Variants in TBCK observed in about 807,000 individuals in gnomAD.
TBCK encodes TBC1 domain containing kinase.
In TBCK, 99 loss-of-function variants were observed where a neutral mutation model predicts 113.4. The ratio of observed to expected loss-of-function variants is 0.87; its 90% CI spans 0.74 to 1.03. The LOEUF (loss-of-function observed/expected upper bound fraction) is 1.03. Among genes scored for constraint, TBCK ranks in the 50% least tolerant of loss-of-function variants. The pLI is 0.00. For synonymous variants in TBCK, 369 were observed against 370.8 expected, an observed-to-expected ratio of 1.00 and a Z score of 0.05; for missense variants, 1,045 against 1,061.3, an observed-to-expected ratio of 0.98 and a Z score of 0.21.
intron 11 of TBCK, among the ~76,000 whole-genome samples, chr4:106,242,899 T>TACCC (rs1486834721): frequency 7.6e-6 from 1 of 131,030 alleles, no homozygotes; most frequent in Admixed American, 9.2e-5. Flanking sequence ...AGTGTGATGT[T>TACCC]ACCCTTCCTG....
chr4:106,285,538 C>T (rs1299902043), intron 3 of TBCK, among the ~76,000 whole-genome samples: 1 of 151,966 alleles, frequency 6.6e-6, no homozygotes, highest in Non-Finnish European at 1.5e-5. Context: ...TCCCCTGATC[C>T]CTGTCCCACC....
chr4:106,272,577 C>T (rs1260713519), intron 3 of TBCK, among the ~76,000 whole-genome samples: 3 of 150,714 alleles, frequency 2.0e-5, no homozygotes, highest in South Asian at 2.1e-4. Context: ...CTGCAAGCTC[C>T]GTCTCCCAGG....
chr4:106,185,960 C>T (rs1752978121), intron 22 of TBCK, among the ~76,000 whole-genome samples: 1 of 152,034 alleles, frequency 6.6e-6, no homozygotes, highest in Non-Finnish European at 1.5e-5. Flanking sequence ...TTAGTTTCTA[C>T]TTATAAGTGA....
chr4:106,115,363 CACAA>C lies in TBCK; in HGVS notation c.2411+836_2411+839del, dbSNP rs1335086250. Among the ~76,000 whole-genome samples, 3 of 152,188 alleles carry C rather than the reference CACAA, an allele frequency of 2.0e-5. No individual in the cohort carries two copies. In the East Asian group the frequency reaches 5.8e-4, roughly 29 times the overall value. On this transcript the variant is annotated intron_variant, in intron 24 of 25. Transcript: ENST00000394708. Reference sequence around the variant, plus strand: ...CAAAATATGAAACCTGAAATACTGTCACAAACATTTTGGACACAGGATACTCAAC... The same window carrying C: ...CAAAATATGAAACCTGAAATACTGTCACATTTTGGACACAGGATACTCAAC...
intron 23 of TBCK, among the ~76,000 whole-genome samples, chr4:106,136,525 A>T (rs1462915122): frequency 7.1e-6 from 1 of 141,186 alleles, no homozygotes; most frequent in African/African-American, 2.5e-5. Flanking sequence ...TTCTGTGTGA[A>T]ATTGGGAAGG....
chr4:106,045,565 T>C lies in TBCK; in HGVS notation c.*1005A>G, dbSNP rs1262321943. On this transcript the variant is annotated 3_prime_UTR_variant, in exon 26 of 26. Coordinates refer to ENST00000394708, the MANE Select transcript of TBCK (RefSeq NM_001163435.3). ...TTTTCCTTAAAGCTAGGTGTGGCCA[T>C]GCACCCAAGTTCTGGCCAATGATAT... is the stretch of plus-strand genomic sequence containing the variant. 3 of 152,208 alleles carry C rather than the reference T, an allele frequency of 2.0e-5. No homozygotes were observed. Among genetic ancestry groups the C allele is most frequent in the Non-Finnish European group, 2.9e-5 (2 of 68,036 alleles). 9.4% of individuals were successfully genotyped at this position (152,208 alleles called of 1,614,324 possible). A position where few individuals can be genotyped will look rare whatever the true frequency, so the allele number is the denominator to read the frequency against.
intron 3 of TBCK, among the ~76,000 whole-genome samples, chr4:106,266,068 CA>C (rs748724637): frequency 4.6e-5 from 7 of 151,112 alleles, no homozygotes; most frequent in Non-Finnish European, 1.0e-4. Context: ...TAAACATCTT[CA>C]AAAAATAAAC....
At chr4:106,176,752 T>G (rs12499891) in intron 22 of TBCK, among the ~76,000 whole-genome samples, 28,228 of 151,798 alleles carry the variant, frequency 0.19, 2,640 homozygotes, top group South Asian at 0.25. Context: ...TTGAGGAACC[T>G]CCATACTGTT....
chr4:106,307,460 A>C (rs978726483), intron 2 of TBCK, among the ~76,000 whole-genome samples: 1 of 152,168 alleles, frequency 6.6e-6, no homozygotes, highest in African/African-American at 2.4e-5. Flanking sequence ...AGTCTATAAA[A>C]CACAAATATT....
At chr4:106,304,630 T>A (rs983247830) in intron 2 of TBCK, among the ~76,000 whole-genome samples, 8 of 152,164 alleles carry the variant, frequency 5.3e-5, no homozygotes, top group Non-Finnish European at 1.0e-4. Context: ...TAACCTCAAA[T>A]CTTATTCTGT....
At chr4:106,162,045 C>G (rs112051284) in intron 23 of TBCK, among the ~76,000 whole-genome samples, 1 of 152,002 alleles carries the variant, frequency 6.6e-6, no homozygotes, top group African/African-American at 2.4e-5. Flanking sequence ...CTTCTACCTA[C>G]GAGACTGTAA....
At chr4:106,174,810 CATT>C (rs1324130747) in intron 22 of TBCK, among the ~76,000 whole-genome samples, 1 of 152,038 alleles carries the variant, frequency 6.6e-6, no homozygotes, top group Non-Finnish European at 1.5e-5. Flanking sequence ...TCACAAACAT[CATT>C]GCATTTCTAT....
chr4:106,077,467 G>A (rs1273796542), intron 25 of TBCK, among the ~76,000 whole-genome samples: 2 of 152,306 alleles, frequency 1.3e-5, no homozygotes, highest in East Asian at 1.9e-4. Context: ...TAAAGGAATG[G>A]AGAAAGATTG....
At chr4:106,070,857 C>T (rs1455795856) in intron 25 of TBCK, among the ~76,000 whole-genome samples, 2 of 152,064 alleles carry the variant, frequency 1.3e-5, no homozygotes, top group East Asian at 3.8e-4. Flanking sequence ...CAAGTTCTTC[C>T]TGGTTTAGTC....
chr4:106,067,034 G>A (rs1450080858), intron 25 of TBCK, among the ~76,000 whole-genome samples: 1 of 152,048 alleles, frequency 6.6e-6, no homozygotes, highest in African/African-American at 2.4e-5. Context: ...GCATCTAGCA[G>A]TCAAATTACT....
chr4:106,210,530 G>A (rs1340984850), intron 20 of TBCK, among the ~76,000 whole-genome samples: 3 of 152,096 alleles, frequency 2.0e-5, no homozygotes, highest in Non-Finnish European at 1.5e-5. Flanking sequence ...CTGACTTAAT[G>A]TCTAAATAAA....
intron 1 of TBCK, among the ~76,000 whole-genome samples, chr4:106,313,349 G>A (rs1024487860): frequency 6.6e-6 from 1 of 150,920 alleles, no homozygotes; most frequent in African/African-American, 2.4e-5. Flanking sequence ...ACCAGACTGA[G>A]CAACACAGTG....
Position 106,178,684 on chromosome 4 carries a change from A to G in TBCK, c.2060-7414T>C, listed in dbSNP as rs573747519. Among the ~76,000 whole-genome samples, 9 of 152,010 alleles carry G rather than the reference A, an allele frequency of 5.9e-5. No homozygotes were observed. In the South Asian group the frequency reaches 1.7e-3, roughly 28 times the overall value. Reference sequence around the variant, plus strand: ...GAATCCCCCTTGACCATGGTGAATGATTTTTTTAACGTGTTGTTGAATTCA... The same window carrying G: ...GAATCCCCCTTGACCATGGTGAATGGTTTTTTTAACGTGTTGTTGAATTCA... On this transcript the variant is annotated intron_variant, in intron 22 of 25. Transcript: ENST00000394708.
At chr4:106,309,071 G>A (rs1767871765) in intron 1 of TBCK, 82 bp from the exon 2 acceptor site, 1 of 910,478 alleles carries the variant, frequency 1.1e-6, no homozygotes, top group South Asian at 2.0e-5. Flanking sequence ...ATACAACTTG[G>A]AGGAAAATGC....
Sources: allele counts gnomAD v4.1 joint callset (sites outside exome capture counted in the v4.1 genomes callset), GRCh38; gene constraint gnomAD v4.1.1; transcripts MANE v1.5; gene names NCBI Gene and HGNC (gene_info 2026-07-23, HGNC 2026-07-21).